Variants in CCPG1 observed in about 807,000 individuals in gnomAD.
The protein encoded by CCPG1 is cell cycle progression 1, also known as cell cycle progression protein 1.
A neutral mutation model predicts 81.3 loss-of-function variants in CCPG1; 46 were observed. The ratio of observed to expected loss-of-function variants is 0.57; its 90% CI spans 0.45 to 0.72. The LOEUF is 0.72. Ranked by LOEUF, CCPG1 falls within the 30% of genes least tolerant of loss-of-function variation. The pLI is 0.00. For synonymous variants in CCPG1, 330 were observed against 305.2 expected (o/e 1.08, Z -0.85); for missense variants, 902 against 937.6 (o/e 0.96, Z 0.50).
chr15:55,392,331 C>T (rs1360596547), intron 1 of CCPG1, among the ~76,000 whole-genome samples: 1 of 151,246 alleles, frequency 6.6e-6, no homozygotes, highest in Admixed American at 6.6e-5. Context: ...CCTGCCTCAG[C>T]CTCCCGAGTA....
chr15:55,406,041 T>A (rs1391731954), intron 1 of CCPG1, among the ~76,000 whole-genome samples: 1 of 152,204 alleles, frequency 6.6e-6, no homozygotes, highest in Admixed American at 6.5e-5. Flanking sequence ...ATTTTTGTAT[T>A]TTTAGTAGAG....
intron 1 of CCPG1, among the ~76,000 whole-genome samples, chr15:55,394,986 C>A (rs1206607686): frequency 6.6e-6 from 1 of 152,072 alleles, no homozygotes; most frequent in Non-Finnish European, 1.5e-5. Context: ...TAATTTTAGT[C>A]AGTCAGAGAT....
chr15:55,358,348 A>C (rs1245532937), intron 8 of CCPG1: 1 of 984,126 alleles, frequency 1.0e-6, no homozygotes. Context: ...ATATATCCTG[A>C]AGATAAGGGG....
intron 1 of CCPG1, among the ~76,000 whole-genome samples, chr15:55,396,332 T>TA (rs1449183638): frequency 6.6e-6 from 1 of 152,106 alleles, no homozygotes; most frequent in African/African-American, 2.4e-5. Context: ...CATACGGTTA[T>TA]AAAAAGAAGA....
At chr15:55,394,580 T>C (rs1321059992) in intron 1 of CCPG1, among the ~76,000 whole-genome samples, 1 of 152,158 alleles carries the variant, frequency 6.6e-6, no homozygotes, top group African/African-American at 2.4e-5. Flanking sequence ...ATTTCTCAAA[T>C]CAATAAGCCC....
intron 5 of CCPG1, 54 bp downstream of exon 5, chr15:55,376,893 CTT>C: frequency 7.7e-7 from 1 of 1,291,944 alleles, no homozygotes; most frequent in Non-Finnish European, 1.1e-6. Flanking sequence ...GAAAACAAGC[CTT>C]TATATAAAAT....
chr15:55,388,302 C>T (rs955348917), intron 2 of CCPG1, among the ~76,000 whole-genome samples: 93 of 152,230 alleles, frequency 6.1e-4, no homozygotes, highest in African/African-American at 2.2e-3. Context: ...CATTTTTCTA[C>T]AGTGAACATA....
At chr15:55,383,696 AC>A (rs2141298645) in intron 3 of CCPG1, among the ~76,000 whole-genome samples, 1 of 152,332 alleles carries the variant, frequency 6.6e-6, no homozygotes, top group East Asian at 1.9e-4. Flanking sequence ...CTTTTATGTT[AC>A]GGACATAGCT....
intron 2 of CCPG1, among the ~76,000 whole-genome samples, chr15:55,389,068 C>CAAAAAAAAAAAAAAAAAA (rs373917631): frequency 5.3e-5 from 3 of 56,298 alleles, no homozygotes; most frequent in Admixed American, 2.4e-4. Context: ...GACTCTGTCT[C>CAAAAAAAAAAAAAAAAAA]AAAAAAAAAA....
At chr15:55,378,989 A>C (rs1320647814) in intron 3 of CCPG1, among the ~76,000 whole-genome samples, 42 of 152,042 alleles carry the variant, frequency 2.8e-4, no homozygotes, top group Middle Eastern at 3.4e-3. Context: ...ATGTTCATTA[A>C]TACCTAATAT....
chr15:55,402,382 C>G (rs1020215267), intron 1 of CCPG1, among the ~76,000 whole-genome samples: 1 of 152,112 alleles, frequency 6.6e-6, no homozygotes, highest in African/African-American at 2.4e-5. Context: ...TACACACCAC[C>G]AAGTCAGGCT....
Position 55,365,250 on chromosome 15 carries a change from T to A in CCPG1, c.766A>T (p.Asn256Tyr). The change falls in exon 7 of 9, where the codon AAT (asparagine) becomes TAT (tyrosine). Residue 256 changes from asparagine (N) to tyrosine (Y), a missense_variant. Physicochemically the swap from Asn to Tyr is moderately radical, Grantham distance 143 (BLOSUM62 -2). Around this residue, in one of 3 missense-constraint regions of CCPG1, gnomAD observed 746 missense variants for 728.6 expected, o/e 1.02. Coordinates refer to ENST00000442196, the MANE Select transcript of CCPG1 (RefSeq NM_001204450.2). The part of the protein sequence containing the change: ...LVRKIHEDEL[N>Y]DMKDYLSQCQ... ...TGGGAAAGATAATCCTTCATATCAT[T>A]CAATTCATCTTCATGTATCTTTCTG... 1 of 1,523,798 alleles carries A rather than the reference T, an allele frequency of 6.6e-7. No homozygotes were observed. Among genetic ancestry groups the A allele is most frequent in the African/African-American group, 1.4e-5 (1 of 73,074 alleles). 94.4% of individuals were successfully genotyped at this position (1,523,798 alleles called of 1,614,324 possible).
chr15:55,375,249 G>A (rs1453689133), intron 5 of CCPG1, among the ~76,000 whole-genome samples: 5 of 151,798 alleles, frequency 3.3e-5, no homozygotes, highest in African/African-American at 1.2e-4. Context: ...GATTACAGGC[G>A]TGAGCCACCA....
intron 7 of CCPG1, among the ~76,000 whole-genome samples, chr15:55,363,679 A>G (rs2141249344): frequency 6.6e-6 from 1 of 150,706 alleles, no homozygotes; most frequent in East Asian, 2.0e-4. Flanking sequence ...TTAGTTACAA[A>G]GTAGTATTTT....
At chr15:55,386,529 G>A (rs2056802219) in intron 2 of CCPG1, among the ~76,000 whole-genome samples, 2 of 152,096 alleles carry the variant, frequency 1.3e-5, no homozygotes, top group African/African-American at 4.8e-5. Flanking sequence ...ATAGTCTGCT[G>A]ACACATGGAA....
At chr15:55,361,637 C>T (rs1051419742) in intron 7 of CCPG1, among the ~76,000 whole-genome samples, 53 of 151,026 alleles carry the variant, frequency 3.5e-4, no homozygotes, top group Non-Finnish European at 7.1e-4. Flanking sequence ...ACCCGGGAGG[C>T]GAATGTTGCA....
chr15:55,407,047 C>G (rs1401294332), intron 1 of CCPG1, among the ~76,000 whole-genome samples: 2 of 110,994 alleles, frequency 1.8e-5, no homozygotes, highest in African/African-American at 3.7e-5. Flanking sequence ...ACCCCCCCCC[C>G]CGCCCCGCCG....
At chr15:55,362,265 T>C (rs2056217199) in intron 7 of CCPG1, among the ~76,000 whole-genome samples, 1 of 150,750 alleles carries the variant, frequency 6.6e-6, no homozygotes, top group Non-Finnish European at 1.5e-5. Context: ...GCTTAATTTA[T>C]CACAAACGTT....
chr15:55,361,708 A>G (rs1315253978), intron 7 of CCPG1, among the ~76,000 whole-genome samples: 1 of 151,884 alleles, frequency 6.6e-6, no homozygotes, highest in East Asian at 1.9e-4. Flanking sequence ...CTGTCTCAAA[A>G]AAAAAACAAA....
Sources: gnomAD v4.1 joint callset for allele counts (sites outside exome capture counted in the v4.1 genomes callset) on GRCh38, gnomAD v4.1.1 for gene constraint, gnomAD v4.1.1 regional missense constraint, MANE v1.5 for transcripts, NCBI Gene and HGNC (gene_info 2026-07-23, HGNC 2026-07-21) for gene names.